UTRN: variants seen among roughly 807,000 people sequenced by gnomAD.
UTRN encodes utrophin, also known as dystrophin-related protein 1.
Under a neutral mutation model 463.9 loss-of-function variants are expected in UTRN, and 283 were observed. The observed-to-expected ratio is 0.61, with a 90% CI of 0.55 to 0.67. The LOEUF (loss-of-function observed/expected upper bound fraction) is 0.67. Among genes scored for constraint, UTRN ranks in the 30% least tolerant of loss-of-function variants. UTRN has a pLI of 0.00. For missense variants in UTRN, 3,922 were observed against 4,084.3 expected, an observed-to-expected ratio of 0.96 and a Z score of 1.08; for synonymous variants, 1,442 against 1,431.5, an observed-to-expected ratio of 1.01 and a Z score of -0.17.
intron 48 of UTRN, 129 bp from the exon 49 acceptor site, chr6:144,554,559 A>G (rs1799215543): frequency 1.1e-6 from 1 of 931,060 alleles, no homozygotes; most frequent in South Asian, 1.8e-5. Flanking sequence ...AATTCCTTCA[A>G]AATGTGTTTA....
chr6:144,453,934 G>T (rs575853637), intron 19 of UTRN, 65 bp downstream of exon 19: 1 of 1,436,402 alleles, frequency 7.0e-7, no homozygotes, highest in South Asian at 1.3e-5. Flanking sequence ...ATTACAGTTT[G>T]CCCTATTAAA....
At chr6:144,388,778 A>G (rs147131739) in intron 2 of UTRN, among the ~76,000 whole-genome samples, 2 of 152,302 alleles carry the variant, frequency 1.3e-5, no homozygotes, top group East Asian at 1.9e-4. Context: ...CTGGGATTAC[A>G]TGCATGAGCC....
At chr6:144,365,404 T>G (rs1779422937) in intron 2 of UTRN, among the ~76,000 whole-genome samples, 1 of 152,130 alleles carries the variant, frequency 6.6e-6, no homozygotes. Context: ...AATTCTGGAG[T>G]AGATCATGAG....
At chr6:144,331,601 G>A (rs1402765558) in intron 2 of UTRN, among the ~76,000 whole-genome samples, 1 of 152,130 alleles carries the variant, frequency 6.6e-6, no homozygotes, top group Non-Finnish European at 1.5e-5. Flanking sequence ...CTCTTGGTTC[G>A]TTCACTGTCA....
At chr6:144,468,900 G>A (rs1443636253) in intron 23 of UTRN, among the ~76,000 whole-genome samples, 2 of 152,162 alleles carry the variant, frequency 1.3e-5, no homozygotes, top group Non-Finnish European at 2.9e-5. Flanking sequence ...AGGGAGAGTG[G>A]AAGGCAGAGT....
chr6:144,806,666 C>T (rs1361766034), intron 65 of UTRN, among the ~76,000 whole-genome samples: 1 of 121,502 alleles, frequency 8.2e-6, no homozygotes, highest in African/African-American at 2.9e-5. Flanking sequence ...CCCCATTTTA[C>T]TATTGGAATT....
intron 66 of UTRN, among the ~76,000 whole-genome samples, chr6:144,824,310 G>A (rs889686721): frequency 6.6e-6 from 1 of 151,362 alleles, no homozygotes; most frequent in Non-Finnish European, 1.5e-5. Context: ...GATTGAAGAA[G>A]GCAGAAGACA....
chr6:144,553,443 C>T (rs143598963), intron 48 of UTRN, among the ~76,000 whole-genome samples: 112 of 152,292 alleles, frequency 7.4e-4, no homozygotes, highest in African/African-American at 2.6e-3. Context: ...TTACGTTCCT[C>T]TTGGGCCTGG....
intron 30 of UTRN, 95 bp downstream of exon 30, chr6:144,488,929 G>A (rs1476218281): frequency 2.5e-5 from 30 of 1,212,880 alleles, no homozygotes; most frequent in Admixed American, 6.8e-5. Context: ...CTCCAAAACC[G>A]AGAGTCAATG....
chr6:144,423,035 C>T (rs535894614), intron 4 of UTRN, among the ~76,000 whole-genome samples: 105 of 152,322 alleles, frequency 6.9e-4, no homozygotes, highest in African/African-American at 2.4e-3. Context: ...TGCAATGCTA[C>T]CTGGAGCCTG....
intron 34 of UTRN, among the ~76,000 whole-genome samples, chr6:144,509,170 A>G (rs964989794): frequency 1.3e-5 from 2 of 152,164 alleles, no homozygotes; most frequent in African/African-American, 2.4e-5. Flanking sequence ...GGTAACATAT[A>G]TGTCTCATTT....
chr6:144,760,908 A>C (rs1283002667), intron 58 of UTRN, among the ~76,000 whole-genome samples: 1 of 152,180 alleles, frequency 6.6e-6, no homozygotes, highest in Non-Finnish European at 1.5e-5. Flanking sequence ...AGTTGAAAGG[A>C]GACTAGGAAG....
chr6:144,389,655 G>T (rs1156513560), intron 2 of UTRN, among the ~76,000 whole-genome samples: 2 of 151,852 alleles, frequency 1.3e-5, no homozygotes, highest in Admixed American at 1.3e-4. Context: ...CTGGAGTGCA[G>T]TGGCATGATC....
Position 144,637,569 on chromosome 6 carries a change from T to C in UTRN, c.7480-40837T>C, listed in dbSNP as rs544656688. Among the ~76,000 whole-genome samples the C allele has an allele frequency of 2.0e-5, 3 of 152,172 alleles. 1 individual carries two copies. In the East Asian group the frequency reaches 5.8e-4, roughly 29 times the overall value. On this transcript the variant is annotated intron_variant, in intron 51 of 74. Coordinates refer to ENST00000367545, the MANE Select transcript of UTRN (RefSeq NM_007124.3). Reference sequence around the variant, plus strand: ...TAAGTACCACACCCAGAATAACCACTGTTTCTTATACAGCTTTCCAGAAAA... The same window carrying C: ...TAAGTACCACACCCAGAATAACCACCGTTTCTTATACAGCTTTCCAGAAAA...
rs138876542 is a variant in UTRN at position 144,421,694 on chromosome 6, A to G, written c.142-184A>G. On this transcript the variant is annotated intron_variant, in intron 3 of 74. Coordinates refer to ENST00000367545, the MANE Select transcript of UTRN (RefSeq NM_007124.3). ...ACAGAGTGAGACTCTGTCTAAAAAA[A>G]AAATTAATTAATTAAAATAAATAAA... Among the ~76,000 whole-genome samples, 1,784 of 150,604 alleles carry G rather than the reference A, an allele frequency of 0.012. 70 individuals carry two copies. In the East Asian group the frequency reaches 0.14, roughly 12 times the overall value.
In UTRN at chr6:144,800,217, G is replaced by A. The variant is rs189095090; in HGVS notation, c.9245+2227G>A. On this transcript the variant is annotated intron_variant, in intron 64 of 74. Coordinates refer to ENST00000367545, the MANE Select transcript of UTRN (RefSeq NM_007124.3). ...ATTAAATATTTGAATGACCTTTAAA[G>A]TTTCATTTCTTAAATTAAAAATGAC... Among the ~76,000 whole-genome samples, 88 of 152,248 alleles carry A rather than the reference G, an allele frequency of 5.8e-4. 1 individual carries two copies. Among genetic ancestry groups the A allele is most frequent in the South Asian group, 4.4e-3 (21 of 4,826 alleles).
intron 2 of UTRN, among the ~76,000 whole-genome samples, chr6:144,369,441 AC>A (rs1180537460): frequency 1.3e-5 from 2 of 152,110 alleles, no homozygotes; most frequent in Non-Finnish European, 2.9e-5. Context: ...ACATGGTAAA[AC>A]CCCGTCTTTA....
At chr6:144,352,170 A>G (rs1376555160) in intron 2 of UTRN, among the ~76,000 whole-genome samples, 1 of 152,132 alleles carries the variant, frequency 6.6e-6, no homozygotes, top group African/African-American at 2.4e-5. Context: ...ACTCTAACCC[A>G]CCCATGCAAT....
rs1218838159 is a variant in UTRN, at chr6:144,469,014, A to AACGCCG, written c.3067-4704_3067-4699dup. 2.0e-5 allele frequency among the ~76,000 whole-genome samples: 3 copies of AACGCCG among 152,306 alleles called. No individual in the cohort carries two copies. In the East Asian group the frequency reaches 5.8e-4, roughly 29 times the overall value. ...CCCGCGCGGTGTGCCACGAGGTGGA[A>AACGCCG]ACGCCGAGTGAATCTGCTGCTGCCA... On this transcript the variant is annotated intron_variant, in intron 23 of 74. Coordinates refer to ENST00000367545, the MANE Select transcript of UTRN (RefSeq NM_007124.3).
Sources: allele counts gnomAD v4.1 joint callset (sites outside exome capture counted in the v4.1 genomes callset), GRCh38; gene constraint gnomAD v4.1.1; transcripts MANE v1.5; gene names NCBI Gene and HGNC (gene_info 2026-07-23, HGNC 2026-07-21).